The following SLIT3 variants were observed in gnomAD, a reference collection of about 807,000 sequenced individuals.
SLIT3 encodes the protein slit guidance ligand 3, also known as slit homolog 3 protein.
In SLIT3, 68 loss-of-function variants were observed where a neutral mutation model predicts 184.0. The ratio of observed to expected loss-of-function variants is 0.37; its 90% CI spans 0.30 to 0.45. The LOEUF is 0.45. SLIT3 is among the 20% of genes least tolerant of loss of function. The pLI is 1.00. For missense variants in SLIT3, 1,707 were observed against 2,026.0 expected (o/e 0.84, Z 3.02); for synonymous variants, 831 against 828.6 (o/e 1.00, Z -0.05).
chr5:169,155,321 C>T (rs13176240), intron 4 of SLIT3, among the ~76,000 whole-genome samples: 10,845 of 152,268 alleles, frequency 0.071, 394 homozygotes, highest in Middle Eastern at 0.11. Flanking sequence ...GTCAACACCT[C>T]GGTGTCTGCA....
chr5:168,914,792 C>T (rs1002686308), intron 4 of SLIT3, among the ~76,000 whole-genome samples: 2 of 152,118 alleles, frequency 1.3e-5, no homozygotes, highest in African/African-American at 4.8e-5. Context: ...GGCAGACAAC[C>T]TAATCCTGTG....
chr5:168,933,354 C>T (rs1260203900), intron 4 of SLIT3, among the ~76,000 whole-genome samples: 1 of 152,050 alleles, frequency 6.6e-6, no homozygotes, highest in Non-Finnish European at 1.5e-5. Flanking sequence ...CCATCCTAGC[C>T]AACATGGTGA....
chr5:169,129,284 G>A (rs1156857776), intron 4 of SLIT3, among the ~76,000 whole-genome samples: 8 of 152,174 alleles, frequency 5.3e-5, no homozygotes, highest in African/African-American at 1.7e-4. Flanking sequence ...GGGTGTGGTG[G>A]CTCATGCCTG....
Position 169,258,091 on chromosome 5 carries a change from C to T in SLIT3, c.198-6632G>A, listed in dbSNP as rs1023893970. 2.6e-5 allele frequency among the ~76,000 whole-genome samples: 4 copies of T among 152,174 alleles called. 1 individual carries two copies. In the East Asian group the frequency reaches 7.7e-4, roughly 29 times the overall value. ...TGAGGAAGCTGAAGTTTAGTTTCCC[C>T]CATCCCCACCCTAAGCTTAGAAGAT... is the stretch of plus-strand genomic sequence containing the variant. On this transcript the variant is annotated intron_variant, in intron 1 of 35. Coordinates refer to ENST00000519560, the MANE Select transcript of SLIT3 (RefSeq NM_003062.4).
intron 4 of SLIT3, among the ~76,000 whole-genome samples, chr5:168,903,192 A>G (rs1760927994): frequency 6.6e-6 from 1 of 152,198 alleles, no homozygotes; most frequent in Non-Finnish European, 1.5e-5. Flanking sequence ...ACAGACTGGC[A>G]CTCTCTCACC....
chr5:168,802,631 C>A (rs1352844496), intron 9 of SLIT3, among the ~76,000 whole-genome samples: 1 of 152,220 alleles, frequency 6.6e-6, no homozygotes, highest in Admixed American at 6.5e-5. Context: ...AGAACCTATT[C>A]TCTCAACCAT....
intron 12 of SLIT3, among the ~76,000 whole-genome samples, chr5:168,774,956 T>C (rs1443438861): frequency 6.6e-6 from 1 of 152,052 alleles, no homozygotes; most frequent in African/African-American, 2.4e-5. Context: ...CAGAGCCCCA[T>C]GTGGTTTGAC....
At chr5:168,932,347 G>GACACACAC (rs375350401) in intron 4 of SLIT3, among the ~76,000 whole-genome samples, 1,894 of 131,108 alleles carry the variant, frequency 0.014, 34 homozygotes, top group Admixed American at 0.062. Flanking sequence ...AGGGGAAAAA[G>GACACACAC]ACACACACAC....
intron 32 of SLIT3, among the ~76,000 whole-genome samples, chr5:168,676,314 C>T (rs1424889155): frequency 1.3e-5 from 2 of 152,208 alleles, no homozygotes; most frequent in African/African-American, 4.8e-5. Flanking sequence ...AGCTTCCATT[C>T]CACTTTCCTT....
chr5:169,290,697 C>A (rs963083227), intron 1 of SLIT3, among the ~76,000 whole-genome samples: 2 of 150,762 alleles, frequency 1.3e-5, no homozygotes, highest in Admixed American at 1.3e-4. Flanking sequence ...GGGGCACGCA[C>A]TAGGGCACGC....
At chr5:168,712,556 G>A in intron 23 of SLIT3, 1 of 577,254 alleles carries the variant, frequency 1.7e-6, no homozygotes. Flanking sequence ...GGAGTAGAGG[G>A]TTTGCGGAAG....
At position 168,906,866 on chromosome 5, in the gene SLIT3, A is replaced by T. The variant is rs561126569; in HGVS notation, c.414-23530T>A. ...TTTTTGTTTATTTATTTATTTAATT[A>T]ATTTATTTATTTGAGATGGAGTCTC... On this transcript the variant is annotated intron_variant, in intron 4 of 35. Transcript: ENST00000519560. Among the ~76,000 whole-genome samples the T allele has an allele frequency of 2.1e-3, 325 of 152,004 alleles. 3 individuals are homozygous for T. The highest frequency in any genetic ancestry group is 7.4e-3 in the African/African-American group (307 of 41,458).
chr5:169,042,506 G>T (rs1250161977), intron 4 of SLIT3, among the ~76,000 whole-genome samples: 1 of 152,172 alleles, frequency 6.6e-6, no homozygotes, highest in Non-Finnish European at 1.5e-5. Flanking sequence ...CTCTCCTAGG[G>T]TTATAATTGA....
chr5:169,143,115 CT>C (rs1761800336), intron 4 of SLIT3, among the ~76,000 whole-genome samples: 1 of 152,158 alleles, frequency 6.6e-6, no homozygotes, highest in Admixed American at 6.5e-5. Context: ...CCAAATAAAC[CT>C]TATTAATACT....
At chr5:168,836,085 C>T (rs1052570344) in intron 6 of SLIT3, among the ~76,000 whole-genome samples, 9 of 152,152 alleles carry the variant, frequency 5.9e-5, no homozygotes, top group African/African-American at 2.2e-4. Context: ...TTCCATTAAG[C>T]CAGTGGGTAG....
intron 4 of SLIT3, among the ~76,000 whole-genome samples, chr5:169,115,141 G>A (rs1760609487): frequency 6.6e-6 from 1 of 152,140 alleles, no homozygotes; most frequent in Admixed American, 6.5e-5. Flanking sequence ...ATCCTTCTAA[G>A]CAAGGAATAC....
chr5:168,963,885 A>G (rs1291414801), intron 4 of SLIT3, among the ~76,000 whole-genome samples: 1 of 152,192 alleles, frequency 6.6e-6, no homozygotes, highest in Non-Finnish European at 1.5e-5. Flanking sequence ...TTCCTACCAT[A>G]GTGCCTTAAG....
chr5:168,844,827 ACTGT>A (rs1261065460), intron 5 of SLIT3, 172 bp from the exon 6 acceptor site: 2 of 590,424 alleles, frequency 3.4e-6, no homozygotes, highest in East Asian at 2.9e-5. Flanking sequence ...CTCCTCTCTG[ACTGT>A]CTGAGAGAAC....
intron 3 of SLIT3, among the ~76,000 whole-genome samples, chr5:169,193,830 T>TC (rs1211805696): frequency 5.9e-5 from 9 of 152,150 alleles, no homozygotes; most frequent in Admixed American, 5.9e-4. Flanking sequence ...CACTAATGGA[T>TC]CACAATATTC....
Sources: gnomAD v4.1 joint callset for allele counts (sites outside exome capture counted in the v4.1 genomes callset) on GRCh38, gnomAD v4.1.1 for gene constraint, MANE v1.5 for transcripts, NCBI Gene and HGNC (gene_info 2026-07-23, HGNC 2026-07-21) for gene names.